Variants in DENND2B observed in about 807,000 individuals in gnomAD.
DENND2B encodes the protein DENN domain containing 2B.
In DENND2B, 32 loss-of-function variants were observed where a neutral mutation model predicts 116.0. The observed-to-expected ratio is 0.28, with a 90% CI of 0.21 to 0.37. DENND2B has a LOEUF of 0.37. DENND2B is among the 10% of genes least tolerant of loss of function. The pLI is 1.00. For missense variants in DENND2B, 1,276 were observed against 1,477.7 expected (o/e 0.86, Z 2.24); for synonymous variants, 588 against 583.9 (o/e 1.01, Z -0.10).
chr11:8,740,113 C>T (rs775113924), intron 2 of DENND2B, among the ~76,000 whole-genome samples: 1 of 151,356 alleles, frequency 6.6e-6, no homozygotes, highest in Non-Finnish European at 1.5e-5. Context: ...TCCTTGAGCC[C>T]AGGAGGTCAA....
chr11:8,696,404 G>C, intron 18 of DENND2B, 23 bp downstream of exon 18: 1 of 1,612,054 alleles, frequency 6.2e-7, no homozygotes, highest in Non-Finnish European at 8.5e-7. Flanking sequence ...AATTAGAGAA[G>C]AGAGCTGATA....
At chr11:8,749,738 C>G (rs2052000868) in intron 2 of DENND2B, among the ~76,000 whole-genome samples, 1 of 152,242 alleles carries the variant, frequency 6.6e-6, no homozygotes, top group Non-Finnish European at 1.5e-5. Context: ...AAGCATCCTT[C>G]TCATAGCTAT....
At chr11:8,881,285 G>C (rs535060004) in intron 1 of DENND2B, among the ~76,000 whole-genome samples, 1 of 152,218 alleles carries the variant, frequency 6.6e-6, no homozygotes, top group East Asian at 1.9e-4. Context: ...GGAGGCTCAT[G>C]TTCTATAGTT....
intron 3 of DENND2B, among the ~76,000 whole-genome samples, chr11:8,844,076 T>G (rs7949795): frequency 0.14 from 21,256 of 152,300 alleles, 2,004 homozygotes; most frequent in Non-Finnish European, 0.2. Flanking sequence ...AAGACGTACT[T>G]TCTGCCATAT....
intron 2 of DENND2B, among the ~76,000 whole-genome samples, chr11:8,880,158 C>T (rs1433585893): frequency 6.6e-6 from 1 of 152,162 alleles, no homozygotes; most frequent in East Asian, 1.9e-4. Flanking sequence ...CAAACTCTTA[C>T]ATCTCCTTTC....
At chr11:8,832,839 G>C (rs974218164) in intron 4 of DENND2B, among the ~76,000 whole-genome samples, 1 of 152,236 alleles carries the variant, frequency 6.6e-6, no homozygotes, top group Admixed American at 6.5e-5. Flanking sequence ...CACAGTGGTG[G>C]GAAGAGGCCC....
intron 1 of DENND2B, among the ~76,000 whole-genome samples, chr11:8,752,088 T>C (rs573291862): frequency 6.6e-6 from 1 of 152,318 alleles, no homozygotes; most frequent in African/African-American, 2.4e-5. Context: ...ACATGAATTA[T>C]CACGTGTGTG....
intron 3 of DENND2B, among the ~76,000 whole-genome samples, chr11:8,847,430 T>C (rs1473882089): frequency 6.6e-6 from 1 of 152,220 alleles, no homozygotes; most frequent in African/African-American, 2.4e-5. Context: ...GGGATCTCAA[T>C]AGTATATTTA....
At chr11:8,900,083 G>T (rs1365092490) in intron 1 of DENND2B, among the ~76,000 whole-genome samples, 1 of 152,086 alleles carries the variant, frequency 6.6e-6, no homozygotes, top group Non-Finnish European at 1.5e-5. Flanking sequence ...TTGAGCCCAG[G>T]AGTTAGAGGC....
intron 2 of DENND2B, among the ~76,000 whole-genome samples, chr11:8,879,816 G>A (rs1297670163): frequency 6.6e-6 from 1 of 152,134 alleles, no homozygotes; most frequent in Admixed American, 6.6e-5. Flanking sequence ...GAGGTTAGAG[G>A]CAAGGAGGAG....
intron 4 of DENND2B, among the ~76,000 whole-genome samples, chr11:8,815,942 CAT>C (rs1435267882): frequency 6.6e-6 from 1 of 152,170 alleles, no homozygotes; most frequent in Non-Finnish European, 1.5e-5. Flanking sequence ...CAAGAAAATA[CAT>C]ATATGTAAAT....
intron 2 of DENND2B, among the ~76,000 whole-genome samples, chr11:8,869,786 T>G (rs80340139): frequency 6.6e-6 from 1 of 152,228 alleles, no homozygotes; most frequent in Non-Finnish European, 1.5e-5. Context: ...CTTCACTTCA[T>G]GCATTCAACA....
intron 3 of DENND2B, among the ~76,000 whole-genome samples, chr11:8,727,720 T>C (rs1209957927): frequency 6.6e-6 from 1 of 152,162 alleles, no homozygotes; most frequent in Non-Finnish European, 1.5e-5. Context: ...CCAGAGTTAG[T>C]GTGAGAGCAA....
chr11:8,835,150 G>A (rs2062369365), intron 4 of DENND2B, among the ~76,000 whole-genome samples: 1 of 152,108 alleles, frequency 6.6e-6, no homozygotes, highest in African/African-American at 2.4e-5. Flanking sequence ...AGGCTGAAGT[G>A]GGAGAATTGC....
intron 1 of DENND2B, among the ~76,000 whole-genome samples, chr11:8,778,758 A>G (rs1030408240): frequency 1.3e-5 from 2 of 152,228 alleles, no homozygotes; most frequent in African/African-American, 4.8e-5. Flanking sequence ...CCTGGAGGGC[A>G]CACCCTGAAC....
rs184034817 is a variant in DENND2B at position 8,762,721 on chromosome 11, G to A, written c.-25-11996C>T. ...ACTAAAAATACAAAATTAGCCAGGCGTGGTGGCGCATGCCTGTAATCCTAA... is the reference window on the plus strand; with the variant it reads ...ACTAAAAATACAAAATTAGCCAGGCATGGTGGCGCATGCCTGTAATCCTAA... On this transcript the variant is annotated intron_variant, in intron 1 of 19. Coordinates refer to ENST00000313726, the MANE Select transcript of DENND2B (RefSeq NM_213618.2). Among the ~76,000 whole-genome samples the A allele has an allele frequency of 1.9e-3, 289 of 152,294 alleles. 2 individuals carry two copies. Among genetic ancestry groups the A allele is most frequent in the African/African-American group, 6.2e-3 (257 of 41,580 alleles).
At position 8,699,265 on chromosome 11, in the gene DENND2B, A is replaced by G; in HGVS notation, c.2846T>C (p.Val949Ala). Residue 949 changes from valine (V) to alanine (A), a missense_variant, in exon 15 of 20, where the codon GTT (valine) becomes GCT (alanine). Physicochemically the swap from Val to Ala is moderately conservative, Grantham distance 64. Around this residue, in one of 2 missense-constraint regions of DENND2B, gnomAD observed 420 missense variants for 631.1 expected, o/e 0.67. Coordinates refer to ENST00000313726, the MANE Select transcript of DENND2B (RefSeq NM_213618.2). Reference protein sequence around the residue: ...DIVCCPTPFLVGLLSSSLPKL... With the variant: ...DIVCCPTPFLAGLLSSSLPKL... ...GGGGAGGGAGCTGGAGAGCAGGCCA[A>G]CCAGGAAGGGGGTGGGACAGCAGAC... 1.3e-6 allele frequency: 2 copies of G among 1,595,326 alleles called. No individual in the cohort carries two copies. The highest frequency in any genetic ancestry group is 1.7e-6 in the Non-Finnish European group (2 of 1,175,160).
intron 1 of DENND2B, among the ~76,000 whole-genome samples, chr11:8,760,429 G>T (rs1370794104): frequency 6.6e-6 from 1 of 152,162 alleles, no homozygotes; most frequent in African/African-American, 2.4e-5. Flanking sequence ...ACCAGCCTAG[G>T]CAACAGAGCG....
At chr11:8,710,607 G>A (rs1404874719) in intron 11 of DENND2B, among the ~76,000 whole-genome samples, 1 of 152,028 alleles carries the variant, frequency 6.6e-6, no homozygotes, top group African/African-American at 2.4e-5. Context: ...GATAACCTCC[G>A]ATCCTAAGGC....
Sources: gnomAD v4.1 joint callset for allele counts (sites outside exome capture counted in the v4.1 genomes callset) on GRCh38, gnomAD v4.1.1 for gene constraint, gnomAD v4.1.1 regional missense constraint, MANE v1.5 for transcripts, NCBI Gene and HGNC (gene_info 2026-07-23, HGNC 2026-07-21) for gene names.